Variants in ZNF549 observed in about 807,000 individuals in gnomAD.
The protein encoded by ZNF549 is zinc finger protein 549.
In ZNF549, 11 loss-of-function variants were observed where a neutral mutation model predicts 11.1. The observed-to-expected ratio is 0.99, with a 90% confidence interval of 0.62 to 1.64. The LOEUF (loss-of-function observed/expected upper bound fraction) is 1.64, where lower values mean the gene tolerates loss of function less well. Ranked by LOEUF, ZNF549 falls within the 40% of genes most tolerant of loss-of-function variation. The pLI, the probability that ZNF549 is intolerant of heterozygous loss-of-function variation, is 0.00. For synonymous variants in ZNF549, 266 were observed against 269.1 expected, an observed-to-expected ratio of 0.99 and a Z score of 0.11; for missense variants, 748 against 765.1, an observed-to-expected ratio of 0.98 and a Z score of 0.26.
chr19:57,537,957 C>T lies in ZNF549; in HGVS notation c.953C>T (p.Ser318Leu), dbSNP rs1327940645. The T allele has an allele frequency of 1.1e-5, 18 of 1,613,134 alleles. No homozygotes were observed. Among genetic ancestry groups the T allele is most frequent in the Non-Finnish European group, 1.4e-5 (17 of 1,179,796 alleles). The change falls in exon 4 of 4, where the codon TCA (serine) becomes TTA (leucine). Residue 318 changes from serine (S) to leucine (L), a missense_variant. Ser to Leu is a moderately radical substitution (Grantham distance 145). Coordinates refer to ENST00000376233, the MANE Select transcript of ZNF549 (RefSeq NM_001199295.2). ...GGGAAATCCTTGAGCTCCAAATACT[C>T]ACTTGTGGAACACCAGAGAACCCAT... ...ECGKSLSSKYSLVEHQRTHNG... is the reference protein window; with the variant it reads ...ECGKSLSSKYLLVEHQRTHNG...
intron 3 of ZNF549, 31 bp from the exon 4 acceptor site, chr19:57,537,173 A>C: frequency 6.3e-7 from 1 of 1,590,314 alleles, no homozygotes; most frequent in South Asian, 1.1e-5. Flanking sequence ...CAAAGTCTGC[A>C]TATACTTCAC....
rs777582650 is a variant in ZNF549 at position 57,537,161 on chromosome 19, A to T, written c.200-43A>T. 20 of 1,569,708 alleles carry T rather than the reference A, an allele frequency of 1.3e-5. No individual in the cohort carries two copies. In the South Asian group the frequency reaches 2.0e-4, roughly 16 times the overall value. ...ATTTGTAATGGAGCTGTTCCCTTCT[A>T]CCAAAGTCTGCATATACTTCACTTG... On this transcript the variant is annotated intron_variant, in intron 3 of 3. Coordinates refer to ENST00000376233, the MANE Select transcript of ZNF549 (RefSeq NM_001199295.2).
rs1030014079 is a variant in ZNF549, at chr19:57,527,708, G to C, written c.33+102G>C. On this transcript the variant is annotated intron_variant, in intron 1 of 3. Transcript: ENST00000376233. ...TCAGGCCTCTTCTCCAGGACAGCGA[G>C]GAGTTCTGGGTGGGGTCCTCAGAGC... is the stretch of plus-strand genomic sequence containing the variant. The C allele has an allele frequency of 6.9e-6, 10 of 1,439,560 alleles. No individual in the cohort carries two copies. The Middle Eastern group carries it at 7.4e-4, about 107-fold the overall frequency. 89.2% of individuals were successfully genotyped at this position (1,439,560 alleles called of 1,614,324 possible).
At position 57,538,310 on chromosome 19, in the gene ZNF549, C is replaced by G; in HGVS notation, c.1306C>G (p.Gln436Glu). The part of the protein sequence containing the change: ...FIHKKRLLEH[Q>E]RIHTGEKPYV... ...TCACAAAAAAAGACTTCTTGAGCAC[C>G]AGAGAATTCATACTGGAGAAAAGCC... The change falls in exon 4 of 4, where the codon CAG becomes GAG. Residue 436 changes from glutamine (Q) to glutamate (E), a missense_variant. Coordinates refer to ENST00000376233, the MANE Select transcript of ZNF549 (RefSeq NM_001199295.2). The G allele has an allele frequency of 6.2e-7, 1 of 1,613,884 alleles. No individual in the cohort carries two copies.
chr19:57,531,074 C>G lies in ZNF549; in HGVS notation c.38C>G (p.Pro13Arg). ...EAALVITPQI[P>R]MVTEEFVKPS... The stretch of plus-strand genomic sequence containing the variant: ...ATAGCCTCCCTCTTCCTACAGATTC[C>G]CATGGTAACAGAAGAGTTTGTGAAA... The change falls in exon 2 of 4, where the codon CCC becomes CGC. Residue 13 changes from proline (P) to arginine (R), a missense_variant. Physicochemically the swap from Pro to Arg is moderately radical, Grantham distance 103. Coordinates refer to ENST00000376233, the MANE Select transcript of ZNF549 (RefSeq NM_001199295.2). 1.9e-6 allele frequency: 3 copies of G among 1,598,312 alleles called. No individual in the cohort carries two copies. Among genetic ancestry groups the G allele is most frequent in the Non-Finnish European group, 2.5e-6 (3 of 1,179,782 alleles).
rs190694889 is a variant in ZNF549 at position 57,536,073 on chromosome 19, G to A, written c.199+803G>A. On this transcript the variant is annotated intron_variant, in intron 3 of 3. Coordinates refer to ENST00000376233, the MANE Select transcript of ZNF549 (RefSeq NM_001199295.2). ...CTGCTTGACAATTTGCCTACTTGTC[G>A]TTTCTACTGTGATTGTCCCCTACCT... Among the ~76,000 whole-genome samples, 10 of 151,998 alleles carry A rather than the reference G, an allele frequency of 6.6e-5. No homozygotes were observed. In the East Asian group the frequency reaches 7.7e-4, roughly 12 times the overall value.
Position 57,527,733 on chromosome 19 carries a change from C to A in ZNF549, c.33+127C>A, listed in dbSNP as rs969977942. 5.9e-6 allele frequency: 7 copies of A among 1,189,052 alleles called. 1 individual carries two copies. The Admixed American group carries it at 6.8e-5, about 11-fold the overall frequency. 73.7% of individuals were successfully genotyped at this position (1,189,052 alleles called of 1,614,324 possible). ...GGAGTTCTGGGTGGGGTCCTCAGAG[C>A]TGACGGGCGGTGAGGTGAAGAAGGG... On this transcript the variant is annotated intron_variant, in intron 1 of 3. Coordinates refer to ENST00000376233, the MANE Select transcript of ZNF549 (RefSeq NM_001199295.2).
Position 57,538,168 on chromosome 19 carries a change from T to A in ZNF549, c.1164T>A (p.Ala388=), listed in dbSNP as rs781532617. The change falls in exon 4 of 4, where the codon GCT becomes GCA. Residue 388 remains alanine, a synonymous_variant. Coordinates refer to ENST00000376233, the MANE Select transcript of ZNF549 (RefSeq NM_001199295.2). ...RHQRVHTGEG[A]YQCSECGKSF... ...AGAGAGTTCACACTGGAGAAGGGGC[T>A]TATCAGTGCAGTGAATGTGGGAAAT... The A allele has an allele frequency of 3.1e-5, 50 of 1,614,098 alleles. No individual in the cohort carries two copies. The highest frequency in any genetic ancestry group is 4.1e-5 in the Non-Finnish European group (48 of 1,180,044).
At chr19:57,530,738 A>G (rs1046458078) in intron 1 of ZNF549, among the ~76,000 whole-genome samples, 1 of 152,166 alleles carries the variant, frequency 6.6e-6, no homozygotes, top group Admixed American at 6.6e-5. Flanking sequence ...TTATCAAAGA[A>G]GCACAGAAGC....
rs1053189058 is a variant in ZNF549, at chr19:57,539,123, C to T, written c.*196C>T. 1.0e-4 allele frequency: 61 copies of T among 608,700 alleles called. No individual in the cohort carries two copies. The highest frequency in any genetic ancestry group is 1.5e-4 in the Non-Finnish European group (53 of 354,848). The allele number at this position is 608,700 out of a possible 1,614,324, so 37.7% of individuals were successfully genotyped here. The stretch of plus-strand genomic sequence containing the variant: ...CTAATCTGCCCAGTGTTACAACAGA[C>T]ACTACCATGTGGCATATCCTCACCG... On this transcript the variant is annotated 3_prime_UTR_variant, in exon 4 of 4. Transcript: ENST00000376233.
At chr19:57,527,824 T>C (rs1385176457) in intron 1 of ZNF549, among the ~76,000 whole-genome samples, 1 of 151,890 alleles carries the variant, frequency 6.6e-6, no homozygotes, top group Non-Finnish European at 1.5e-5. Context: ...TCGCGAGCAT[T>C]CGGAAACTTG....
At chr19:57,530,723 A>G (rs561638112) in intron 1 of ZNF549, among the ~76,000 whole-genome samples, 100 of 152,256 alleles carry the variant, frequency 6.6e-4, no homozygotes, top group African/African-American at 2.4e-3. Flanking sequence ...GACACTACAT[A>G]TTTATTATCA....
chr19:57,538,977 C>G lies in ZNF549; in HGVS notation c.*50C>G. The G allele has an allele frequency of 2.6e-6, 4 of 1,530,938 alleles. No individual in the cohort carries two copies. Among genetic ancestry groups the G allele is most frequent in the Non-Finnish European group, 3.5e-6 (4 of 1,146,232 alleles). 94.8% of individuals were successfully genotyped at this position (1,530,938 alleles called of 1,614,324 possible). Reference sequence around the variant, plus strand: ...TTATTCACTGTAGGACACCAGAGAGCTGATTTTTCAAGGGATCCAACAGAC... The same window carrying G: ...TTATTCACTGTAGGACACCAGAGAGGTGATTTTTCAAGGGATCCAACAGAC... On this transcript the variant is annotated 3_prime_UTR_variant, in exon 4 of 4. Transcript: ENST00000376233.
Position 57,537,299 on chromosome 19 carries a change from T to C in ZNF549, c.295T>C (p.Ser99Pro). 6.2e-7 allele frequency: 1 copy of C among 1,614,218 alleles called. No individual in the cohort carries two copies. Among genetic ancestry groups the C allele is most frequent in the South Asian group, 1.1e-5 (1 of 91,086 alleles). The part of the protein sequence containing the change: ...SQARTPKLGP[S>P]IPNAHSCEMC... Reference sequence around the variant, plus strand: ...GGCCAGGACTCCAAAGCTAGGTCCTTCCATCCCAAATGCTCATTCTTGTGA... The same window carrying C: ...GGCCAGGACTCCAAAGCTAGGTCCTCCCATCCCAAATGCTCATTCTTGTGA... The change falls in exon 4 of 4, where the codon TCC becomes CCC. Residue 99 changes from serine (S) to proline (P), a missense_variant. Transcript: ENST00000376233.
At chr19:57,535,443 A>G (rs756993409) in intron 3 of ZNF549, 173 bp downstream of exon 3, 83 of 861,260 alleles carry the variant, frequency 9.6e-5, no homozygotes, top group Middle Eastern at 3.2e-4. Flanking sequence ...TTTCTGCCCC[A>G]ACATCTACTG....
Position 57,538,528 on chromosome 19 carries a change from A to C in ZNF549, c.1524A>C (p.Lys508Asn), listed in dbSNP as rs981536653. The change falls in exon 4 of 4, where the codon AAA (lysine) becomes AAC (asparagine). Residue 508 changes from lysine to asparagine, a missense_variant. Coordinates refer to ENST00000376233, the MANE Select transcript of ZNF549 (RefSeq NM_001199295.2). ...ERPYECSECG[K>N]GFYLEVKLLQ... ...CTTATGAATGCAGTGAATGTGGAAA[A>C]GGCTTCTACCTTGAGGTTAAACTTC... is the stretch of plus-strand genomic sequence containing the variant. The C allele has an allele frequency of 3.1e-6, 5 of 1,614,088 alleles. No individual in the cohort carries two copies. In the African/African-American group the frequency reaches 6.7e-5, roughly 22 times the overall value.
chr19:57,528,404 G>A (rs2089888902), intron 1 of ZNF549, among the ~76,000 whole-genome samples: 1 of 152,178 alleles, frequency 6.6e-6, no homozygotes, highest in African/African-American at 2.4e-5. Context: ...ATTCATGGGA[G>A]GGGACTGACT....
In ZNF549 at chr19:57,527,551, G is replaced by A; in HGVS notation, c.-23G>A. 1 of 1,613,298 alleles carries A rather than the reference G, an allele frequency of 6.2e-7. No homozygotes were observed. Among genetic ancestry groups the A allele is most frequent in the Non-Finnish European group, 8.5e-7 (1 of 1,179,876 alleles). On this transcript the variant is annotated 5_prime_UTR_variant, in exon 1 of 4. Coordinates refer to ENST00000376233, the MANE Select transcript of ZNF549 (RefSeq NM_001199295.2). The stretch of plus-strand genomic sequence containing the variant: ...CCGGGCTTTACCGCCCGCCTTTCCA[G>A]GCCCCGCCCCGCCTAAAGTCCCATG...
In ZNF549 at chr19:57,527,551, G is replaced by GGCCCC. The variant is rs750374063; in HGVS notation, c.-14_-10dup. On this transcript the variant is annotated 5_prime_UTR_variant, in exon 1 of 4. Coordinates refer to ENST00000376233, the MANE Select transcript of ZNF549 (RefSeq NM_001199295.2). ...CCGGGCTTTACCGCCCGCCTTTCCA[G>GGCCCC]GCCCCGCCCCGCCTAAAGTCCCATG... 1.4e-5 allele frequency: 22 copies of GGCCCC among 1,613,176 alleles called. No homozygotes were observed. The African/African-American group carries it at 1.9e-4, about 14-fold the overall frequency.
Sources: gnomAD v4.1 joint callset for allele counts (sites outside exome capture counted in the v4.1 genomes callset) on GRCh38, gnomAD v4.1.1 for gene constraint, MANE v1.5 for transcripts, NCBI Gene and HGNC (gene_info 2026-07-23, HGNC 2026-07-21) for gene names.